TMEM116: variants seen among roughly 807,000 people sequenced by gnomAD.
TMEM116 encodes the protein transmembrane protein 116.
A neutral mutation model predicts 44.3 loss-of-function variants in TMEM116; 38 were observed. That is an observed-to-expected ratio of 0.86 (90% CI 0.66 to 1.12). The LOEUF (loss-of-function observed/expected upper bound fraction) is 1.12, where lower values mean the gene tolerates loss of function less well. TMEM116 is among the 50% of genes most tolerant of loss of function. The probability of loss-of-function intolerance (pLI) is 0.00; values close to 1 mark genes in which losing one functional copy is unlikely to be tolerated. For synonymous variants in TMEM116, 132 were observed against 144.8 expected (o/e 0.91, Z 0.64); for missense variants, 354 against 401.7 (o/e 0.88, Z 1.01).
chr12:111,990,874 T>C (rs1236933566), intron 4 of TMEM116, among the ~76,000 whole-genome samples: 1 of 152,178 alleles, frequency 6.6e-6, no homozygotes, highest in Non-Finnish European at 1.5e-5. Context: ...GAAAAGTATT[T>C]AATTACCTGG....
intron 4 of TMEM116, among the ~76,000 whole-genome samples, chr12:111,944,190 G>C (rs1359022843): frequency 6.6e-6 from 1 of 151,944 alleles, no homozygotes; most frequent in Non-Finnish European, 1.5e-5. Context: ...TTCCAGCTTT[G>C]ATGAGATAAC....
chr12:111,979,403 G>A (rs943910396), intron 4 of TMEM116, among the ~76,000 whole-genome samples: 8 of 152,102 alleles, frequency 5.3e-5, no homozygotes, highest in African/African-American at 1.7e-4. Context: ...TACACATATC[G>A]TATGATTCCA....
rs576685453 is a variant in TMEM116 at position 112,000,288 on chromosome 12, T to A, written c.78+3512A>T. ...ATTTTATGTGTAGCAATTACTTTTT[T>A]AAAATCCTTTAAATTTTATCTAGAG... is the stretch of plus-strand genomic sequence containing the variant. On this transcript the variant is annotated intron_variant, in intron 3 of 10. Transcript: ENST00000552374. Among the ~76,000 whole-genome samples the A allele has an allele frequency of 2.6e-5, 4 of 152,330 alleles. No homozygotes were observed. The East Asian group carries it at 5.8e-4, about 22-fold the overall frequency.
chr12:111,966,049 G>A (rs924475965), intron 4 of TMEM116, among the ~76,000 whole-genome samples: 4 of 152,222 alleles, frequency 2.6e-5, no homozygotes, highest in Admixed American at 6.5e-5. Flanking sequence ...GCTCATGCCT[G>A]TAATCCCAGC....
At chr12:111,948,940 G>T (rs1168335231) in intron 4 of TMEM116, among the ~76,000 whole-genome samples, 2 of 151,748 alleles carry the variant, frequency 1.3e-5, no homozygotes, top group Non-Finnish European at 2.9e-5. Context: ...AATAAAATTA[G>T]CTGGGCATGG....
chr12:112,002,855 G>A (rs1394634268), intron 3 of TMEM116, among the ~76,000 whole-genome samples: 2 of 152,276 alleles, frequency 1.3e-5, no homozygotes, highest in Middle Eastern at 6.8e-3. Context: ...TCCCATACAT[G>A]TCCTGACCTA....
At chr12:111,968,656 C>G (rs1341054448) in intron 4 of TMEM116, among the ~76,000 whole-genome samples, 1 of 152,180 alleles carries the variant, frequency 6.6e-6, no homozygotes, top group East Asian at 1.9e-4. Context: ...TAACTACATT[C>G]TATCTTTTCA....
intron 4 of TMEM116, among the ~76,000 whole-genome samples, chr12:111,982,812 T>C (rs2076018783): frequency 1.3e-5 from 2 of 152,120 alleles, no homozygotes; most frequent in African/African-American, 4.8e-5. Context: ...GTAAATGACA[T>C]AGCTAAGCAC....
At chr12:112,003,043 A>G (rs7306501) in intron 3 of TMEM116, among the ~76,000 whole-genome samples, 6,519 of 152,310 alleles carry the variant, frequency 0.043, 313 homozygotes, top group African/African-American at 0.12. Flanking sequence ...CTCTGTTTTC[A>G]CCATAAAATT....
chr12:111,945,247 G>A (rs2073163888), intron 4 of TMEM116, among the ~76,000 whole-genome samples: 1 of 149,026 alleles, frequency 6.7e-6, no homozygotes, highest in Non-Finnish European at 1.5e-5. Flanking sequence ...GGGAGGCTGA[G>A]GCAGGAGAAT....
chr12:112,005,192 GA>G (rs1202263307), intron 2 of TMEM116, 64 bp downstream of exon 2: 33 of 1,147,642 alleles, frequency 2.9e-5, no homozygotes, highest in Non-Finnish European at 3.5e-5. Context: ...GGGAAATGTG[GA>G]AAACTACAGA....
chr12:111,947,221 A>C (rs1227387335), intron 4 of TMEM116, among the ~76,000 whole-genome samples: 1 of 144,658 alleles, frequency 6.9e-6, no homozygotes, highest in African/African-American at 2.6e-5. Flanking sequence ...CACTCTGGTT[A>C]AATAAATGAT....
chr12:111,987,782 A>G (rs898301822), intron 4 of TMEM116, among the ~76,000 whole-genome samples: 1 of 152,204 alleles, frequency 6.6e-6, no homozygotes, highest in African/African-American at 2.4e-5. Context: ...CAAAAAATCA[A>G]ACACAGAATT....
At chr12:112,003,404 C>T (rs566736986) in intron 3 of TMEM116, among the ~76,000 whole-genome samples, 49 of 151,964 alleles carry the variant, frequency 3.2e-4, no homozygotes, top group Non-Finnish European at 5.6e-4. Flanking sequence ...CTGTCTCTAC[C>T]AAAAATACAA....
intron 4 of TMEM116, among the ~76,000 whole-genome samples, chr12:111,968,097 G>C (rs760933151): frequency 2.0e-5 from 3 of 152,124 alleles, no homozygotes; most frequent in Admixed American, 6.6e-5. Flanking sequence ...GCTTCACAGA[G>C]AACCTCATAG....
chr12:111,991,134 G>A (rs1304134353), intron 4 of TMEM116, among the ~76,000 whole-genome samples: 4 of 145,860 alleles, frequency 2.7e-5, no homozygotes. Context: ...CAAGAGAATT[G>A]CTTGAACCTA....
chr12:112,006,513 TTAA>T (rs1399946807), intron 1 of TMEM116, among the ~76,000 whole-genome samples: 2 of 152,400 alleles, frequency 1.3e-5, no homozygotes, highest in African/African-American at 4.8e-5. Context: ...GAGGTGGTTA[TTAA>T]TGTTTGTCAT....
chr12:111,962,472 G>C (rs1054848023), intron 4 of TMEM116, among the ~76,000 whole-genome samples: 1 of 152,118 alleles, frequency 6.6e-6, no homozygotes, highest in Non-Finnish European at 1.5e-5. Flanking sequence ...CAGATATATA[G>C]ATCAATGGAA....
At chr12:112,000,238 A>T (rs1011661868) in intron 3 of TMEM116, among the ~76,000 whole-genome samples, 1 of 152,208 alleles carries the variant, frequency 6.6e-6, no homozygotes, top group Non-Finnish European at 1.5e-5. Flanking sequence ...GTTCAAAATA[A>T]AATCACTCAA....
Sources: gnomAD v4.1 joint callset for allele counts (sites outside exome capture counted in the v4.1 genomes callset) on GRCh38, gnomAD v4.1.1 for gene constraint, MANE v1.5 for transcripts, NCBI Gene and HGNC (gene_info 2026-07-23, HGNC 2026-07-21) for gene names.